CDH18: variants seen among roughly 807,000 people sequenced by gnomAD.
The protein encoded by CDH18 is cadherin-18.
CDH18 carries 31 observed loss-of-function variants against 67.9 expected under a neutral mutation model. The ratio of observed to expected loss-of-function variants is 0.46; its 90% CI spans 0.34 to 0.62. The LOEUF (loss-of-function observed/expected upper bound fraction) is 0.62. Among genes scored for constraint, CDH18 ranks in the 20% least tolerant of loss-of-function variants. The pLI is 0.01. For missense variants in CDH18, 890 were observed against 975.5 expected (o/e 0.91, Z 1.17); for synonymous variants, 362 against 347.2 (o/e 1.04, Z -0.48).
At chr5:20,540,500 C>T (rs1279831175) in intron 1 of CDH18, among the ~76,000 whole-genome samples, 2 of 152,146 alleles carry the variant, frequency 1.3e-5, no homozygotes, top group Non-Finnish European at 2.9e-5. Context: ...TGTAATAAAA[C>T]TCTGTGATAG....
chr5:20,095,355 GAAAGAAAA>G (rs1275882909), intron 2 of CDH18, among the ~76,000 whole-genome samples: 5 of 91,512 alleles, frequency 5.5e-5, no homozygotes, highest in Non-Finnish European at 6.7e-5. Flanking sequence ...AAGAAAGAAA[GAAAGAAAA>G]GACAGAAGAA....
rs576037243 is a variant in CDH18 at position 20,522,204 on chromosome 5, G to C, written c.-580+53258C>G. Reference sequence around the variant, plus strand: ...AGGGATTTCAGAAGTAACCAAACCTGCTGACACTTTGATCTTGAACTCCTA... The same window carrying C: ...AGGGATTTCAGAAGTAACCAAACCTCCTGACACTTTGATCTTGAACTCCTA... On this transcript the variant is annotated intron_variant, in intron 1 of 14. Transcript: ENST00000507958. 3.2e-4 allele frequency among the ~76,000 whole-genome samples: 40 copies of C among 125,518 alleles called. 1 individual carries two copies. The East Asian group carries it at 0.011, about 33-fold the overall frequency. The allele number at this position is 125,518 out of a possible 152,430, so 82.3% of individuals were successfully genotyped here.
At chr5:19,927,714 C>A (rs189785776) in intron 2 of CDH18, among the ~76,000 whole-genome samples, 21 of 152,060 alleles carry the variant, frequency 1.4e-4, no homozygotes, top group African/African-American at 4.8e-4. Context: ...TATTTCATTT[C>A]TTAAAGAAAA....
chr5:20,547,983 A>G (rs1429532549), intron 1 of CDH18, among the ~76,000 whole-genome samples: 1 of 151,900 alleles, frequency 6.6e-6, no homozygotes, highest in Non-Finnish European at 1.5e-5. Flanking sequence ...ATATGTTGAT[A>G]CTGCAAAATA....
chr5:19,989,880 C>T (rs914429002), upstream of CDH18, among the ~76,000 whole-genome samples: 1 of 152,130 alleles, frequency 6.6e-6, no homozygotes, highest in South Asian at 2.1e-4. Flanking sequence ...TGTTCTGTTG[C>T]TCTTAAGGAA....
chr5:19,859,256 T>C (rs193060439), intron 2 of CDH18, among the ~76,000 whole-genome samples: 15 of 152,216 alleles, frequency 9.9e-5, no homozygotes, highest in Admixed American at 9.2e-4. Context: ...CAGGCACAGT[T>C]GGGTAGCATT....
At chr5:20,426,554 T>C (rs1748316567) in intron 1 of CDH18, among the ~76,000 whole-genome samples, 1 of 151,146 alleles carries the variant, frequency 6.6e-6, no homozygotes, top group Admixed American at 6.6e-5. Context: ...TATCAGATAT[T>C]AATCACACAC....
intron 3 of CDH18, among the ~76,000 whole-genome samples, chr5:19,754,353 G>A (rs1771249293): frequency 6.6e-6 from 1 of 152,146 alleles, no homozygotes; most frequent in Admixed American, 6.5e-5. Context: ...AAGGAAGCAG[G>A]AGTAGCTATT....
At chr5:19,899,579 A>G (rs1789714232) in intron 2 of CDH18, among the ~76,000 whole-genome samples, 1 of 152,170 alleles carries the variant, frequency 6.6e-6, no homozygotes, top group African/African-American at 2.4e-5. Flanking sequence ...CACAATTACC[A>G]TAGAATTCAG....
At chr5:19,781,418 C>T (rs1775099020) in intron 3 of CDH18, among the ~76,000 whole-genome samples, 1 of 151,968 alleles carries the variant, frequency 6.6e-6, no homozygotes. Flanking sequence ...ATGTGTATGA[C>T]CTACAAGTGT....
chr5:20,031,596 G>T (rs1739405563), intron 2 of CDH18, among the ~76,000 whole-genome samples: 1 of 151,972 alleles, frequency 6.6e-6, no homozygotes, highest in South Asian at 2.1e-4. Context: ...GACCCTGGCT[G>T]TGAAGGGAAT....
intron 3 of CDH18, among the ~76,000 whole-genome samples, chr5:19,778,024 A>T (rs1774598183): frequency 6.6e-6 from 1 of 152,168 alleles, no homozygotes; most frequent in Non-Finnish European, 1.5e-5. Flanking sequence ...CAAATTATTA[A>T]ATTTTAATCA....
intron 6 of CDH18, among the ~76,000 whole-genome samples, chr5:19,601,084 T>G (rs538052383): frequency 1.3e-5 from 2 of 152,232 alleles, no homozygotes; most frequent in East Asian, 3.9e-4. Context: ...AAAAATAAAT[T>G]CAAGCATTAA....
chr5:19,563,476 G>A (rs1739813206), intron 8 of CDH18, among the ~76,000 whole-genome samples: 1 of 152,174 alleles, frequency 6.6e-6, no homozygotes, highest in Admixed American at 6.6e-5. Context: ...ATTCCCAAAA[G>A]CTCTCTAGCT....
intron 1 of CDH18, among the ~76,000 whole-genome samples, chr5:20,533,668 A>G (rs1756546948): frequency 6.6e-6 from 1 of 152,076 alleles, no homozygotes; most frequent in African/African-American, 2.4e-5. Flanking sequence ...TTTTCACAAT[A>G]TTTGTAAGTT....
intron 1 of CDH18, among the ~76,000 whole-genome samples, chr5:20,356,710 T>C (rs1741635638): frequency 6.8e-6 from 1 of 147,334 alleles, no homozygotes; most frequent in Admixed American, 6.8e-5. Flanking sequence ...GATATGGATA[T>C]ATACCAAGGT....
chr5:19,969,533 T>C (rs1024553652), intron 2 of CDH18, among the ~76,000 whole-genome samples: 52 of 150,486 alleles, frequency 3.5e-4, no homozygotes, highest in Non-Finnish European at 6.8e-4. Flanking sequence ...GATGAGTTCA[T>C]GTCCTTTGTA....
chr5:19,869,020 C>A (rs1011517156), intron 2 of CDH18, among the ~76,000 whole-genome samples: 1 of 151,774 alleles, frequency 6.6e-6, no homozygotes, highest in Non-Finnish European at 1.5e-5. Context: ...CATTAAGGGA[C>A]AAAATAAGTA....
At chr5:19,848,762 G>C (rs1403836158) in intron 2 of CDH18, among the ~76,000 whole-genome samples, 2 of 151,590 alleles carry the variant, frequency 1.3e-5, no homozygotes, top group African/African-American at 4.8e-5. Context: ...AATGATGGTA[G>C]TGAAGACAAA....
Sources: allele counts gnomAD v4.1 joint callset (sites outside exome capture counted in the v4.1 genomes callset), GRCh38; gene constraint gnomAD v4.1.1; transcripts MANE v1.5; gene names NCBI Gene and HGNC (gene_info 2026-07-23, HGNC 2026-07-21).